The following COL13A1 variants were observed in gnomAD, a reference collection of about 807,000 sequenced individuals.
The protein encoded by COL13A1 is collagen alpha-1(XIII) chain.
COL13A1 carries 89 observed loss-of-function variants against 130.9 expected under a neutral mutation model. The observed-to-expected ratio is 0.68, with a 90% CI of 0.57 to 0.81. COL13A1 has a LOEUF of 0.81. Ranked by LOEUF, COL13A1 falls within the 30% of genes least tolerant of loss-of-function variation. COL13A1 has a pLI of 0.00. For synonymous variants in COL13A1, 402 were observed against 341.6 expected (o/e 1.18, Z -1.95); for missense variants, 879 against 934.6 (o/e 0.94, Z 0.78).
At chr10:69,861,646 T>TCA (rs1309655638) in intron 2 of COL13A1, among the ~76,000 whole-genome samples, 1 of 152,182 alleles carries the variant, frequency 6.6e-6, no homozygotes, top group African/African-American at 2.4e-5. Context: ...CCCCTGAGTC[T>TCA]CACCTCCAGG....
intron 21 of COL13A1, among the ~76,000 whole-genome samples, chr10:69,921,392 T>G (rs1306740896): frequency 1.3e-5 from 2 of 152,166 alleles, no homozygotes; most frequent in African/African-American, 4.8e-5. Context: ...GCAATGACCC[T>G]ATGTCCAAAT....
At chr10:69,807,970 C>T (rs1842012236) in intron 1 of COL13A1, among the ~76,000 whole-genome samples, 1 of 152,172 alleles carries the variant, frequency 6.6e-6, no homozygotes, top group African/African-American at 2.4e-5. Context: ...GAATCCTTTT[C>T]AACAGTGTTC....
At chr10:69,899,231 C>G (rs572714960) in intron 14 of COL13A1, among the ~76,000 whole-genome samples, 25 of 152,286 alleles carry the variant, frequency 1.6e-4, no homozygotes, top group African/African-American at 5.8e-4. Context: ...TGTGTCCCAG[C>G]CTTCTCATCT....
intron 2 of COL13A1, among the ~76,000 whole-genome samples, chr10:69,849,178 C>T (rs1854003103): frequency 6.6e-6 from 1 of 152,170 alleles, no homozygotes. Flanking sequence ...GGTTTCTGAC[C>T]CTAAACTGGT....
chr10:69,856,519 G>C (rs1454447205), intron 2 of COL13A1, among the ~76,000 whole-genome samples: 1 of 151,960 alleles, frequency 6.6e-6, no homozygotes, highest in Non-Finnish European at 1.5e-5. Flanking sequence ...CAAAAGACAA[G>C]GTAGAAAAAC....
At chr10:69,869,924 G>A (rs2058888646) in intron 3 of COL13A1, among the ~76,000 whole-genome samples, 1 of 152,204 alleles carries the variant, frequency 6.6e-6, no homozygotes, top group African/African-American at 2.4e-5. Context: ...TGCTGAAATA[G>A]TAGCTAACAC....
chr10:69,949,836 A>G (rs1021053679), intron 38 of COL13A1, among the ~76,000 whole-genome samples: 1 of 151,810 alleles, frequency 6.6e-6, no homozygotes, highest in South Asian at 2.1e-4. Flanking sequence ...GCTGCCTGCA[A>G]ACCAGCCAGC....
Position 69,925,012 on chromosome 10 carries a change from G to A in COL13A1, c.1329+5G>A, listed in dbSNP as rs1054776428. 3.8e-6 allele frequency: 6 copies of A among 1,579,920 alleles called. No homozygotes were observed. The highest frequency in any genetic ancestry group is 5.2e-6 in the Non-Finnish European group (6 of 1,163,908). On this transcript the variant is annotated splice_donor_5th_base_variant and intron_variant, in intron 25 of 40. Coordinates refer to ENST00000645393, the MANE Select transcript of COL13A1 (RefSeq NM_001368882.1). ...CAGGGACCAGATGGCCCCAAGGTAT[G>A]TGCCTCTCCCTCCTGGAGTCACAGC...
intron 4 of COL13A1, among the ~76,000 whole-genome samples, chr10:69,872,490 C>G (rs1052757899): frequency 6.6e-5 from 10 of 152,252 alleles, no homozygotes; most frequent in African/African-American, 2.4e-4. Context: ...AAAGCTGCAG[C>G]TGACTTCCAG....
At chr10:69,928,412 TG>T (rs1384783518) in intron 27 of COL13A1, among the ~76,000 whole-genome samples, 4 of 152,168 alleles carry the variant, frequency 2.6e-5, no homozygotes, top group African/African-American at 9.7e-5. Context: ...GTAGATTAGG[TG>T]TGTCTTTTGT....
intron 2 of COL13A1, among the ~76,000 whole-genome samples, chr10:69,860,440 A>G (rs4746924): frequency 0.65 from 99,355 of 152,134 alleles, 33,439 homozygotes; most frequent in East Asian, 0.96. Flanking sequence ...GCTTCCAAGC[A>G]CCTGCCTTCT....
chr10:69,842,598 G>A (rs1851896014), intron 2 of COL13A1, among the ~76,000 whole-genome samples: 1 of 152,208 alleles, frequency 6.6e-6, no homozygotes, highest in African/African-American at 2.4e-5. Context: ...CCCAAACGCA[G>A]GGGCTGGGCT....
chr10:69,867,062 T>C (rs2683573), intron 2 of COL13A1, among the ~76,000 whole-genome samples: 141,783 of 152,170 alleles, frequency 0.93, 66,914 homozygotes, highest in East Asian at 1. Context: ...TTTTTCTCCC[T>C]CTCGGAACAC....
chr10:69,913,300 C>T (rs1025853145), intron 17 of COL13A1, among the ~76,000 whole-genome samples: 7 of 152,192 alleles, frequency 4.6e-5, no homozygotes, highest in Non-Finnish European at 7.4e-5. Context: ...TGAGAGCCCC[C>T]AGGGGAACTT....
chr10:69,885,643 C>T (rs1013744756), intron 7 of COL13A1, among the ~76,000 whole-genome samples: 7 of 152,196 alleles, frequency 4.6e-5, no homozygotes, highest in Admixed American at 1.3e-4. Flanking sequence ...ACCACGTAAA[C>T]ATTGTCCCTA....
chr10:69,929,945 A>G (rs908720644), intron 28 of COL13A1, 98 bp from the exon 29 acceptor site: 11 of 1,000,530 alleles, frequency 1.1e-5, no homozygotes, highest in Middle Eastern at 2.1e-4. Context: ...ACTCTATGGG[A>G]AAGTGTGGAG....
At chr10:69,928,867 T>C (rs1240481493) in intron 27 of COL13A1, 70 bp from the exon 28 acceptor site, 5 of 1,151,728 alleles carry the variant, frequency 4.3e-6, no homozygotes, top group Non-Finnish European at 6.5e-6. Flanking sequence ...CCTCCACATA[T>C]AGCCCTCAGG....
chr10:69,937,712 A>G lies in COL13A1; in HGVS notation c.1875A>G (p.Leu625=). Residue 625 remains leucine, a synonymous_variant, in exon 34 of 41, where the codon CTA becomes CTG. Transcript: ENST00000645393. Reference sequence around the variant, plus strand: ...AAGGAGACCGTGGTCCCCTGGGACTACCCGTAAGTACCTTGGACCCAGCAA... The same window carrying G: ...AAGGAGACCGTGGTCCCCTGGGACTGCCCGTAAGTACCTTGGACCCAGCAA... ...GEKGDRGPLG[L]PGASGLDGRP... is the part of the protein sequence containing the mutation. 2.0e-6 allele frequency: 3 copies of G among 1,478,260 alleles called. No homozygotes were observed. Among genetic ancestry groups the G allele is most frequent in the Non-Finnish European group, 2.8e-6 (3 of 1,056,278 alleles). 91.6% of individuals were successfully genotyped at this position (1,478,260 alleles called of 1,614,324 possible). A position where few individuals can be genotyped will look rare whatever the true frequency, so the allele number is the denominator to read the frequency against.
intron 1 of COL13A1, among the ~76,000 whole-genome samples, chr10:69,804,147 A>G (rs2704504): frequency 0.98 from 149,751 of 152,068 alleles, 73,777 homozygotes; most frequent in East Asian, 1. Flanking sequence ...GTGGAGGTGC[A>G]GCATCTCTGG....
Sources: allele counts gnomAD v4.1 joint callset (sites outside exome capture counted in the v4.1 genomes callset), GRCh38; gene constraint gnomAD v4.1.1; transcripts MANE v1.5; gene names NCBI Gene and HGNC (gene_info 2026-07-23, HGNC 2026-07-21).